GPC6: variants seen among roughly 807,000 people sequenced by gnomAD.
The protein encoded by GPC6 is glypican 6, also known as glypican-6.
In GPC6, 14 loss-of-function variants were observed where a neutral mutation model predicts 55.2. The ratio of observed to expected loss-of-function variants is 0.25; its 90% CI spans 0.17 to 0.40. The LOEUF is 0.40. GPC6 is among the 10% of genes least tolerant of loss of function. The pLI, the probability that GPC6 is intolerant of heterozygous loss-of-function variation, is 1.00. For synonymous variants in GPC6, 278 were observed against 259.6 expected, an observed-to-expected ratio of 1.07 and a Z score of -0.68; for missense variants, 641 against 708.5, an observed-to-expected ratio of 0.90 and a Z score of 1.08.
intron 2 of GPC6, among the ~76,000 whole-genome samples, chr13:93,636,684 C>T (rs946895088): frequency 5.9e-5 from 9 of 152,026 alleles, no homozygotes; most frequent in Non-Finnish European, 8.8e-5. Flanking sequence ...ACATTCTGGG[C>T]CCCCAAAATA....
At chr13:94,269,590 T>C (rs1337474201) in intron 4 of GPC6, among the ~76,000 whole-genome samples, 1 of 152,222 alleles carries the variant, frequency 6.6e-6, no homozygotes. Flanking sequence ...ACACAGCTTG[T>C]GTTTGCTTCC....
intron 4 of GPC6, among the ~76,000 whole-genome samples, chr13:94,066,422 G>GA (rs1171112192): frequency 6.6e-5 from 10 of 151,962 alleles, no homozygotes; most frequent in Non-Finnish European, 1.5e-4. Context: ...TTCTTTAGAT[G>GA]AAAAAAAGAG....
At chr13:93,249,580 G>A (rs1566540613) in intron 1 of GPC6, among the ~76,000 whole-genome samples, 1 of 152,210 alleles carries the variant, frequency 6.6e-6, no homozygotes, top group Non-Finnish European at 1.5e-5. Flanking sequence ...CATAACTGAA[G>A]AGCCCTTGTC....
chr13:94,228,231 G>C (rs990188590), intron 4 of GPC6, among the ~76,000 whole-genome samples: 5 of 152,144 alleles, frequency 3.3e-5, no homozygotes, highest in East Asian at 1.9e-4. Context: ...GACCTACTCT[G>C]AGAGAATGCA....
At chr13:93,658,688 A>G (rs1227462012) in intron 2 of GPC6, among the ~76,000 whole-genome samples, 1 of 151,718 alleles carries the variant, frequency 6.6e-6, no homozygotes, top group African/African-American at 2.4e-5. Flanking sequence ...GTATTATCAT[A>G]TTGGTATATT....
intron 1 of GPC6, among the ~76,000 whole-genome samples, chr13:93,398,072 C>T (rs1429279545): frequency 1.3e-5 from 2 of 152,128 alleles, no homozygotes; most frequent in African/African-American, 4.8e-5. Context: ...CACTTTCAAA[C>T]TACATTTAGG....
chr13:93,266,077 A>C (rs1189290251), intron 1 of GPC6, among the ~76,000 whole-genome samples: 1 of 152,218 alleles, frequency 6.6e-6, no homozygotes, highest in Non-Finnish European at 1.5e-5. Context: ...TACTCTATCT[A>C]AAAATGAAGA....
At chr13:93,787,752 G>A (rs762078456) in intron 2 of GPC6, among the ~76,000 whole-genome samples, 5 of 152,020 alleles carry the variant, frequency 3.3e-5, no homozygotes, top group Non-Finnish European at 7.4e-5. Context: ...TCACCCTTCT[G>A]ATCTATCAAA....
At chr13:93,576,329 C>T (rs1273624983) in intron 2 of GPC6, among the ~76,000 whole-genome samples, 1 of 151,936 alleles carries the variant, frequency 6.6e-6, no homozygotes, top group African/African-American at 2.4e-5. Context: ...ATATTTTATG[C>T]ACAATACAAA....
intron 7 of GPC6, among the ~76,000 whole-genome samples, chr13:94,387,702 T>C (rs182420263): frequency 2.0e-5 from 3 of 150,910 alleles, no homozygotes; most frequent in Admixed American, 1.3e-4. Context: ...TTAATGGGAT[T>C]ACTACCCTTG....
chr13:93,452,995 A>G (rs1878285654), intron 1 of GPC6, among the ~76,000 whole-genome samples: 2 of 152,196 alleles, frequency 1.3e-5, no homozygotes, highest in Non-Finnish European at 2.9e-5. Context: ...TAGCTTTGTA[A>G]GCTTAACTTA....
At chr13:93,602,299 C>A (rs1189382536) in intron 2 of GPC6, among the ~76,000 whole-genome samples, 1 of 152,116 alleles carries the variant, frequency 6.6e-6, no homozygotes, top group Non-Finnish European at 1.5e-5. Context: ...AATACAAATA[C>A]TGTTTTGGGT....
At chr13:94,198,277 G>T (rs1889643149) in intron 4 of GPC6, among the ~76,000 whole-genome samples, 1 of 152,088 alleles carries the variant, frequency 6.6e-6, no homozygotes, top group South Asian at 2.1e-4. Flanking sequence ...TGCAGGTAAT[G>T]GATTGAAAAG....
intron 2 of GPC6, among the ~76,000 whole-genome samples, chr13:93,624,820 G>T (rs1488232660): frequency 6.6e-6 from 1 of 152,178 alleles, no homozygotes; most frequent in Non-Finnish European, 1.5e-5. Flanking sequence ...AGCTGGTTAA[G>T]TATAAGAGAA....
chr13:93,623,759 CTT>C (rs1402101834), intron 2 of GPC6, among the ~76,000 whole-genome samples: 2 of 151,898 alleles, frequency 1.3e-5, no homozygotes, highest in Non-Finnish European at 2.9e-5. Context: ...CGCCTGGCCT[CTT>C]TGGTCTTTTT....
chr13:93,295,290 C>CAAAAAAAAAAAAAAAAAAAAAAAA (rs67379652), intron 1 of GPC6, among the ~76,000 whole-genome samples: 1 of 66,686 alleles, frequency 1.5e-5, no homozygotes, highest in African/African-American at 7.6e-5. Flanking sequence ...GACCCTGTCT[C>CAAAAAAAAAAAAAAAAAAAAAAAA]AAAAAAAAAA....
chr13:94,026,193 AT>A (rs1388639282), intron 3 of GPC6, among the ~76,000 whole-genome samples: 1 of 152,168 alleles, frequency 6.6e-6, no homozygotes, highest in African/African-American at 2.4e-5. Context: ...TCCTAAAATA[AT>A]TTTTTTAGTG....
intron 5 of GPC6, among the ~76,000 whole-genome samples, chr13:94,305,745 T>G (rs1386452113): frequency 6.6e-6 from 1 of 152,212 alleles, no homozygotes; most frequent in Non-Finnish European, 1.5e-5. Flanking sequence ...ATAATAAGAT[T>G]GACTGTGTAT....
chr13:93,517,061 G>T (rs1456580295), intron 1 of GPC6, among the ~76,000 whole-genome samples: 3 of 121,662 alleles, frequency 2.5e-5, no homozygotes, highest in Non-Finnish European at 5.3e-5. Context: ...GAACTCACTT[G>T]TTATTTTTAG....
Sources: gnomAD v4.1 joint callset for allele counts (sites outside exome capture counted in the v4.1 genomes callset) on GRCh38, gnomAD v4.1.1 for gene constraint, MANE v1.5 for transcripts, NCBI Gene and HGNC (gene_info 2026-07-23, HGNC 2026-07-21) for gene names.